GMDS: variants seen among roughly 807,000 people sequenced by gnomAD.
GMDS encodes GDP-mannose 4,6 dehydratase.
In GMDS, 20 loss-of-function variants were observed where a neutral mutation model predicts 49.9. The observed-to-expected ratio is 0.40, with a 90% confidence interval of 0.28 to 0.58. The LOEUF (loss-of-function observed/expected upper bound fraction) is 0.58, where lower values mean the gene tolerates loss of function less well. Ranked by LOEUF, GMDS falls within the 20% of genes least tolerant of loss-of-function variation. The pLI, the probability that GMDS is intolerant of heterozygous loss-of-function variation, is 0.42. For synonymous variants in GMDS, 177 were observed against 178.6 expected, an observed-to-expected ratio of 0.99 and a Z score of 0.07; for missense variants, 362 against 481.4, an observed-to-expected ratio of 0.75 and a Z score of 2.32.
chr6:1,777,739 T>G (rs911954496), intron 7 of GMDS, among the ~76,000 whole-genome samples: 3 of 152,200 alleles, frequency 2.0e-5, no homozygotes, highest in African/African-American at 7.2e-5. Flanking sequence ...CACTTTCTTC[T>G]TCGGGGGATG....
chr6:2,095,452 T>G (rs1458132667), intron 4 of GMDS, among the ~76,000 whole-genome samples: 9 of 152,134 alleles, frequency 5.9e-5, no homozygotes, highest in Non-Finnish European at 1.3e-4. Context: ...TACACAAGAG[T>G]AAAATGATAC....
chr6:2,036,328 T>A (rs548629332), intron 4 of GMDS, among the ~76,000 whole-genome samples: 1 of 152,174 alleles, frequency 6.6e-6, no homozygotes, highest in Non-Finnish European at 1.5e-5. Context: ...CACATCAGTA[T>A]AACAGATTAT....
At chr6:2,013,404 T>C (rs1426422495) in intron 4 of GMDS, among the ~76,000 whole-genome samples, 8 of 151,876 alleles carry the variant, frequency 5.3e-5, no homozygotes, top group Middle Eastern at 6.8e-3. Flanking sequence ...ACAAAAAAAA[T>C]GACAAGGTCA....
intron 1 of GMDS, among the ~76,000 whole-genome samples, chr6:2,158,921 T>TA (rs1388756717): frequency 2.6e-5 from 4 of 152,168 alleles, no homozygotes; most frequent in Non-Finnish European, 5.9e-5. Context: ...TATACCTACT[T>TA]ACATCAAAAA....
intron 1 of GMDS, among the ~76,000 whole-genome samples, chr6:2,221,495 T>A (rs555203218): frequency 6.7e-4 from 102 of 152,188 alleles, no homozygotes; most frequent in Non-Finnish European, 6.9e-4. Flanking sequence ...TTCACACCAT[T>A]CTCCTGCCTC....
At chr6:2,128,561 C>T (rs183813605) in intron 1 of GMDS, among the ~76,000 whole-genome samples, 176 of 152,304 alleles carry the variant, frequency 1.2e-3, no homozygotes, top group Non-Finnish European at 2.1e-3. Context: ...TTTCTAATAT[C>T]ACACTAGTTA....
At chr6:1,634,476 A>G (rs566591095) in intron 9 of GMDS, among the ~76,000 whole-genome samples, 1 of 152,144 alleles carries the variant, frequency 6.6e-6, no homozygotes, top group South Asian at 2.1e-4. Context: ...TTTTGAAAAC[A>G]TTTTTACCAT....
Position 1,640,251 on chromosome 6 carries a change from G to C in GMDS, c.988-15711C>G, listed in dbSNP as rs1409061553. ...CATGCAGTTGGTTCCCGACAGCCTG[G>C]AATATGCTTCCTCTTCTTCACTGAA... is the stretch of plus-strand genomic sequence containing the variant. On this transcript the variant is annotated intron_variant, in intron 9 of 10. Coordinates refer to ENST00000380815, the MANE Select transcript of GMDS (RefSeq NM_001500.4). This position sits in a 1 kb window ranked among gnomAD's most constrained non-coding sequence, Gnocchi z 4.0. Among the ~76,000 whole-genome samples the C allele has an allele frequency of 1.3e-5, 2 of 152,172 alleles. No individual in the cohort carries two copies. The highest frequency in any genetic ancestry group is 4.8e-5 in the African/African-American group (2 of 41,438).
At chr6:1,864,462 A>G (rs940852922) in intron 7 of GMDS, among the ~76,000 whole-genome samples, 4 of 152,234 alleles carry the variant, frequency 2.6e-5, no homozygotes, top group African/African-American at 9.6e-5. Context: ...TCAGACTACT[A>G]GTCAAAACTA....
intron 1 of GMDS, among the ~76,000 whole-genome samples, chr6:2,212,469 C>A (rs1275199972): frequency 2.0e-5 from 3 of 152,052 alleles, no homozygotes; most frequent in African/African-American, 7.2e-5. Flanking sequence ...AAAAACATTA[C>A]AACAATTTTT....
At chr6:2,197,795 A>G (rs1779338137) in intron 1 of GMDS, among the ~76,000 whole-genome samples, 2 of 152,190 alleles carry the variant, frequency 1.3e-5, no homozygotes, top group African/African-American at 4.8e-5. Flanking sequence ...TAGGGATGGC[A>G]AAGGAAGACA....
At chr6:2,161,683 G>A (rs1777407381) in intron 1 of GMDS, among the ~76,000 whole-genome samples, 2 of 152,210 alleles carry the variant, frequency 1.3e-5, no homozygotes, top group Non-Finnish European at 2.9e-5. Context: ...AATCAGTCTA[G>A]GACAGAACAA....
chr6:1,698,228 G>A (rs1765410616), intron 9 of GMDS, among the ~76,000 whole-genome samples: 1 of 152,086 alleles, frequency 6.6e-6, no homozygotes, highest in South Asian at 2.1e-4. Flanking sequence ...CTTTAGCTTT[G>A]TGTGTATCTA....
chr6:1,996,440 G>A (rs1157326694), intron 4 of GMDS, among the ~76,000 whole-genome samples: 1 of 152,172 alleles, frequency 6.6e-6, no homozygotes, highest in Non-Finnish European at 1.5e-5. Flanking sequence ...TTAGAACTAA[G>A]CTCATGTAAC....
intron 7 of GMDS, among the ~76,000 whole-genome samples, chr6:1,906,682 T>C (rs1224227968): frequency 6.6e-6 from 1 of 151,908 alleles, no homozygotes; most frequent in Non-Finnish European, 1.5e-5. Flanking sequence ...GGGTCCTGGG[T>C]TTGCAAGCCA....
At chr6:2,139,637 T>C (rs1776185513) in intron 1 of GMDS, among the ~76,000 whole-genome samples, 1 of 152,120 alleles carries the variant, frequency 6.6e-6, no homozygotes, top group Non-Finnish European at 1.5e-5. Context: ...CAATGGAATT[T>C]AGGCAAAAGT....
chr6:1,696,498 T>C (rs908936012), intron 9 of GMDS, among the ~76,000 whole-genome samples: 1 of 152,284 alleles, frequency 6.6e-6, no homozygotes, highest in South Asian at 2.1e-4. Flanking sequence ...GTGCCAAACC[T>C]CTCTTTTGGA....
intron 1 of GMDS, among the ~76,000 whole-genome samples, chr6:2,192,617 G>A (rs536554136): frequency 6.6e-6 from 1 of 152,146 alleles, no homozygotes; most frequent in Non-Finnish European, 1.5e-5. Flanking sequence ...GCATTCCTTG[G>A]TGCCAGCTGG....
chr6:1,690,670 A>G (rs1284490752), intron 9 of GMDS, among the ~76,000 whole-genome samples: 3 of 152,226 alleles, frequency 2.0e-5, no homozygotes, highest in Admixed American at 6.5e-5. Context: ...CAAGAAAAAA[A>G]CCAAACAACT....
Sources: gnomAD v4.1 joint callset for allele counts (sites outside exome capture counted in the v4.1 genomes callset) on GRCh38, gnomAD v4.1.1 for gene constraint, Gnocchi (gnomAD v3.1) non-coding constraint, MANE v1.5 for transcripts, NCBI Gene and HGNC (gene_info 2026-07-23, HGNC 2026-07-21) for gene names.